Variants in LYST observed in about 807,000 individuals in gnomAD.
LYST encodes lysosomal-trafficking regulator.
In LYST, 192 loss-of-function variants were observed where a neutral mutation model predicts 413.6. The ratio of observed to expected loss-of-function variants is 0.46; its 90% CI spans 0.41 to 0.52. LYST has a LOEUF of 0.52. Among genes scored for constraint, LYST ranks in the 20% least tolerant of loss-of-function variants. LYST has a pLI of 0.00. For synonymous variants in LYST, 1,525 were observed against 1,567.3 expected (o/e 0.97, Z 0.64); for missense variants, 3,815 against 4,499.9 (o/e 0.85, Z 4.35).
rs535194639 is a variant in LYST, at chr1:235,805,680, A to G, written c.3393+63T>C. The G allele has an allele frequency of 6.4e-5, 55 of 857,660 alleles. No individual in the cohort carries two copies. The Middle Eastern group carries it at 1.0e-3, about 16-fold the overall frequency. 53.1% of individuals were successfully genotyped at this position (857,660 alleles called of 1,614,324 possible). A position where few individuals can be genotyped will look rare whatever the true frequency, so the allele number is the denominator to read the frequency against. On this transcript the variant is annotated intron_variant, in intron 6 of 52. Coordinates refer to ENST00000389793, the MANE Select transcript of LYST (RefSeq NM_000081.4). ...TACATATTACATTTTTTATATATAT[A>G]TGTGTGTGTGTATATATATGTATAT...
chr1:235,673,977 C>T (rs1388875281), intron 50 of LYST, among the ~76,000 whole-genome samples: 1 of 152,178 alleles, frequency 6.6e-6, no homozygotes, highest in Non-Finnish European at 1.5e-5. Context: ...CCCCTTTCCA[C>T]TTGGATGGTC....
intron 1 of LYST, among the ~76,000 whole-genome samples, chr1:235,881,489 C>T (rs939191525): frequency 7.9e-5 from 12 of 152,150 alleles, no homozygotes; most frequent in Middle Eastern, 3.4e-3. Context: ...TATCAAAGAG[C>T]GAAAGCAGGA....
chr1:235,809,179 A>G lies in LYST; in HGVS notation c.1639T>C (p.Cys547Arg). Residue 547 changes from cysteine (C) to arginine (R), a missense_variant, in exon 5 of 53, where the codon TGC (cysteine) becomes CGC (arginine). Physicochemically the swap from Cys to Arg is radical, Grantham distance 180. This residue lies in a region of LYST where 1,648 missense variants were observed against 1,810.3 expected (regional missense o/e 0.91). Transcript: ENST00000389793. This position sits in a 1 kb window ranked among gnomAD's most constrained non-coding sequence, Gnocchi z 4.0. Reference protein sequence around the residue: ...ADGDVYYPERCCCIAVCAHQC... With the variant: ...ADGDVYYPERRCCIAVCAHQC... Reference sequence around the variant, plus strand: ...TGGGCACACACTGCAATGCAACAGCACCGCTCAGGATAATAAACATCTCCA... The same window carrying G: ...TGGGCACACACTGCAATGCAACAGCGCCGCTCAGGATAATAAACATCTCCA... 6.2e-7 allele frequency: 1 copy of G among 1,614,088 alleles called. No homozygotes were observed. The highest frequency in any genetic ancestry group is 1.6e-4 in the Middle Eastern group (1 of 6,062).
chr1:235,841,127 C>G (rs913796461), intron 1 of LYST, among the ~76,000 whole-genome samples: 1 of 152,208 alleles, frequency 6.6e-6, no homozygotes, highest in Non-Finnish European at 1.5e-5. Context: ...ATCCACCATG[C>G]CTTTCATTCC....
upstream of LYST, among the ~76,000 whole-genome samples, chr1:235,869,779 T>C (rs1207653461): frequency 7.4e-5 from 7 of 94,602 alleles, 1 homozygote; most frequent in South Asian, 7.9e-4. Flanking sequence ...GTCCTTACAA[T>C]TGGCCTACAG....
intron 39 of LYST, among the ~76,000 whole-genome samples, chr1:235,722,573 C>T (rs1488704655): frequency 6.6e-6 from 1 of 152,192 alleles, no homozygotes; most frequent in African/African-American, 2.4e-5. Flanking sequence ...GCAACCTCTG[C>T]TTCCCAGGTT....
intron 40 of LYST, among the ~76,000 whole-genome samples, chr1:235,717,695 A>C (rs1662966294): frequency 6.7e-6 from 1 of 149,036 alleles, no homozygotes; most frequent in Non-Finnish European, 1.5e-5. Flanking sequence ...GCTTAACCAC[A>C]TGTTGATACA....
chr1:235,709,547 C>T (rs1662240282), intron 43 of LYST, among the ~76,000 whole-genome samples: 1 of 149,324 alleles, frequency 6.7e-6, no homozygotes, highest in South Asian at 2.1e-4. Flanking sequence ...TCAACTTTAT[C>T]CTTCTACCAC....
intron 38 of LYST, among the ~76,000 whole-genome samples, chr1:235,726,873 T>C (rs1190838320): frequency 6.6e-6 from 1 of 152,180 alleles, no homozygotes; most frequent in Non-Finnish European, 1.5e-5. Context: ...GGGGAAAAAC[T>C]GTCATCTTTT....
chr1:235,862,806 A>AAC (rs57043954), intron 1 of LYST, among the ~76,000 whole-genome samples: 15,297 of 121,332 alleles, frequency 0.13, 930 homozygotes, highest in Non-Finnish European at 0.17. Flanking sequence ...AAAACAAACA[A>AAC]ACACACACAC....
intron 31 of LYST, chr1:235,737,916 A>AAACT: frequency 8.6e-6 from 10 of 1,163,406 alleles, no homozygotes; most frequent in Admixed American, 4.4e-5. Context: ...GCTGCCGACG[A>AAACT]GTCTGGATCT....
intron 48 of LYST, among the ~76,000 whole-genome samples, chr1:235,681,696 A>T (rs1659825383): frequency 6.6e-6 from 1 of 152,162 alleles, no homozygotes; most frequent in African/African-American, 2.4e-5. Flanking sequence ...TTAATCCAAA[A>T]TGTAGGTTTT....
chr1:235,712,261 T>C, intron 42 of LYST, 64 bp from the exon 43 acceptor site: 1 of 1,202,142 alleles, frequency 8.3e-7, no homozygotes, highest in Non-Finnish European at 1.2e-6. Context: ...AGGCCTATCA[T>C]AATTAATTTA....
chr1:235,799,413 C>T (rs1671942896), intron 10 of LYST, among the ~76,000 whole-genome samples: 1 of 152,102 alleles, frequency 6.6e-6, no homozygotes, highest in African/African-American at 2.4e-5. Context: ...TGGCAAACAC[C>T]TCCTTAACCA....
rs1332272744 is a variant in LYST, at chr1:235,686,973, G to A, written c.10776C>T (p.Tyr3592=). 6.2e-7 allele frequency: 1 copy of A among 1,614,042 alleles called. No homozygotes were observed. Among genetic ancestry groups the A allele is most frequent in the Non-Finnish European group, 8.5e-7 (1 of 1,179,956 alleles). The change falls in exon 48 of 53, where the codon TAC becomes TAT. Residue 3592 remains tyrosine, a synonymous_variant. Transcript: ENST00000389793. This position sits in a 1 kb window ranked among gnomAD's most constrained non-coding sequence, Gnocchi z 4.0. ...CCGTGCTGCTTGTAAATCTGTTTGT[G>A]TAGGCTGTGATGACACCGCATTTGC... ...TGSKCGVITA[Y]TNRFTSSTPS...
rs1198536543 is a variant in LYST at position 235,716,649 on chromosome 1, A to C, written c.9627+63T>G. On this transcript the variant is annotated intron_variant, in intron 41 of 52. Coordinates refer to ENST00000389793, the MANE Select transcript of LYST (RefSeq NM_000081.4). ...GTATAAATTTAAAATTAGGTAAAAC[A>C]CAAGTCTGTAAAACAAAACACAATT... The C allele has an allele frequency of 8.7e-6, 9 of 1,039,452 alleles. No individual in the cohort carries two copies. In the East Asian group the frequency reaches 1.4e-4, roughly 16 times the overall value. 64.4% of individuals were successfully genotyped at this position (1,039,452 alleles called of 1,614,324 possible).
Position 235,753,029 on chromosome 1 carries a change from T to C in LYST, c.7460+15A>G, listed in dbSNP as rs1236249197. ...ATTTATCAGATGTAATTTTAAATAA[T>C]AATTTTAAACTTACTTCTTTTCTAA... On this transcript the variant is annotated intron_variant, in intron 26 of 52. Coordinates refer to ENST00000389793, the MANE Select transcript of LYST (RefSeq NM_000081.4). 2.3e-6 allele frequency: 3 copies of C among 1,305,530 alleles called. No homozygotes were observed. The highest frequency in any genetic ancestry group is 3.3e-6 in the Non-Finnish European group (3 of 904,966). The allele number at this position is 1,305,530 out of a possible 1,614,324, so 80.9% of individuals were successfully genotyped here. A position where few individuals can be genotyped will look rare whatever the true frequency, so the allele number is the denominator to read the frequency against.
At chr1:235,876,860 T>C (rs1032787133) in intron 1 of LYST, among the ~76,000 whole-genome samples, 10 of 152,206 alleles carry the variant, frequency 6.6e-5, no homozygotes, top group African/African-American at 2.2e-4. Context: ...ATTTAGATGG[T>C]ACGAGTTATA....
intron 31 of LYST, chr1:235,737,956 C>T (rs747153180): frequency 4.7e-5 from 60 of 1,267,924 alleles, no homozygotes; most frequent in Middle Eastern, 3.2e-4. Context: ...ACCCGCCGGA[C>T]GTGCATTCTC....
Sources: gnomAD v4.1 joint callset for allele counts (sites outside exome capture counted in the v4.1 genomes callset) on GRCh38, gnomAD v4.1.1 for gene constraint, gnomAD v4.1.1 regional missense constraint, Gnocchi (gnomAD v3.1) non-coding constraint, MANE v1.5 for transcripts, NCBI Gene and HGNC (gene_info 2026-07-23, HGNC 2026-07-21) for gene names.